Variants in KMO observed in about 807,000 individuals in gnomAD.
KMO encodes the protein kynurenine 3-hydroxylase.
In KMO, 24 loss-of-function variants were observed where a neutral mutation model predicts 57.8. The ratio of observed to expected loss-of-function variants is 0.42; its 90% confidence interval spans 0.30 to 0.58. The LOEUF (loss-of-function observed/expected upper bound fraction) is 0.58. Among genes scored for constraint, KMO ranks in the 20% least tolerant of loss-of-function variants. KMO has a pLI of 0.22. For synonymous variants in KMO, 210 were observed against 193.6 expected, an observed-to-expected ratio of 1.08 and a Z score of -0.70; for missense variants, 483 against 588.2, an observed-to-expected ratio of 0.82 and a Z score of 1.85.
chr1:241,579,434 G>T (rs1168545689), intron 10 of KMO, among the ~76,000 whole-genome samples: 1 of 152,078 alleles, frequency 6.6e-6, no homozygotes, highest in Non-Finnish European at 1.5e-5. Flanking sequence ...CCCTGTGGGG[G>T]CCAGGAGACA....
At chr1:241,557,248 G>A (rs887503654) in intron 5 of KMO, among the ~76,000 whole-genome samples, 15 of 152,138 alleles carry the variant, frequency 9.9e-5, no homozygotes, top group Non-Finnish European at 1.9e-4. Flanking sequence ...CACACACCAT[G>A]TATCCCTTAC....
intron 10 of KMO, among the ~76,000 whole-genome samples, chr1:241,584,294 AT>A (rs1662878107): frequency 6.6e-6 from 1 of 152,218 alleles, no homozygotes; most frequent in Admixed American, 6.5e-5. Flanking sequence ...CAAAACCACA[AT>A]GAGATACCAT....
At chr1:241,537,446 A>C (rs1005180051) in intron 1 of KMO, among the ~76,000 whole-genome samples, 6 of 152,158 alleles carry the variant, frequency 3.9e-5, no homozygotes, top group African/African-American at 1.4e-4. Flanking sequence ...AAAAAGACAT[A>C]ATTACTGTTA....
In KMO at chr1:241,592,763, T is replaced by TATCTATCTATC. The variant is rs1663358933; in HGVS notation, c.*611_*621dup. 1 of 146,846 alleles carries TATCTATCTATC rather than the reference T, an allele frequency of 6.8e-6. No homozygotes were observed. The highest frequency in any genetic ancestry group is 2.5e-5 in the African/African-American group (1 of 40,618). The allele number at this position is 146,846 out of a possible 1,614,324, so 9.1% of individuals were successfully genotyped here. A position where few individuals can be genotyped will look rare whatever the true frequency, so the allele number is the denominator to read the frequency against. On this transcript the variant is annotated 3_prime_UTR_variant, in exon 15 of 15. Coordinates refer to ENST00000366559, the MANE Select transcript of KMO (RefSeq NM_003679.5). ...TCTATCTATCTATCTATCATCTATC[T>TATCTATCTATC]ATCTATCTATCTATCTATCTATCTA...
chr1:241,541,485 G>A (rs1660957091), intron 1 of KMO, among the ~76,000 whole-genome samples: 1 of 152,172 alleles, frequency 6.6e-6, no homozygotes, highest in Non-Finnish European at 1.5e-5. Flanking sequence ...CTATAGACAG[G>A]TTCAGTAGTC....
intron 11 of KMO, among the ~76,000 whole-genome samples, 163 bp from the exon 12 acceptor site, chr1:241,588,585 G>A (rs939071362): frequency 7.4e-5 from 11 of 148,508 alleles, no homozygotes; most frequent in African/African-American, 2.7e-4. Flanking sequence ...AATGCTCTGT[G>A]TATTGTCAAT....
intron 3 of KMO, chr1:241,549,979 G>A (rs570146086): frequency 2.8e-5 from 14 of 507,816 alleles, no homozygotes; most frequent in South Asian, 1.8e-4. Context: ...CCCTGCAACC[G>A]GATGATTGCT....
intron 1 of KMO, among the ~76,000 whole-genome samples, chr1:241,544,199 T>C (rs1661053611): frequency 6.6e-6 from 1 of 152,216 alleles, no homozygotes; most frequent in South Asian, 2.1e-4. Flanking sequence ...GTTGTTTAGA[T>C]TGTGGCTTTA....
chr1:241,559,884 A>T (rs1661774789), intron 5 of KMO, among the ~76,000 whole-genome samples: 1 of 152,114 alleles, frequency 6.6e-6, no homozygotes, highest in Non-Finnish European at 1.5e-5. Context: ...CTTTTTTAAG[A>T]TGAAGGATTT....
intron 4 of KMO, 71 bp from the exon 5 acceptor site, chr1:241,555,541 G>A: frequency 9.8e-6 from 8 of 812,340 alleles, no homozygotes; most frequent in Non-Finnish European, 1.7e-5. Flanking sequence ...TTTTATTGCT[G>A]AGTGAATAAC....
rs1663324924 is a variant in KMO, at chr1:241,592,061, T to C, written c.1369T>C (p.Trp457Arg). The C allele has an allele frequency of 6.2e-7, 1 of 1,613,996 alleles. No homozygotes were observed. Among genetic ancestry groups the C allele is most frequent in the East Asian group, 2.2e-5 (1 of 44,852 alleles). The change falls in exon 15 of 15, where the codon TGG becomes CGG. Residue 457 changes from tryptophan to arginine, a missense_variant. Physicochemically the swap from Trp to Arg is moderately radical, Grantham distance 101. Around this residue, in one of 3 missense-constraint regions of KMO, gnomAD observed 410 missense variants for 492.3 expected, o/e 0.83. Coordinates refer to ENST00000366559, the MANE Select transcript of KMO (RefSeq NM_003679.5). ...PRSFLRLRRP[W>R]NWIAHFRNTT... Reference sequence around the variant, plus strand: ...ATCTTTCCTCCGCTTGAGAAGACCATGGAACTGGATAGCTCACTTCCGGAA... The same window carrying C: ...ATCTTTCCTCCGCTTGAGAAGACCACGGAACTGGATAGCTCACTTCCGGAA...
At chr1:241,583,149 G>GT (rs1662823418) in intron 10 of KMO, among the ~76,000 whole-genome samples, 1 of 152,184 alleles carries the variant, frequency 6.6e-6, no homozygotes, top group Non-Finnish European at 1.5e-5. Context: ...ACCACAAGGA[G>GT]TTTTTCTCCC....
At chr1:241,572,022 A>G (rs1264307360) in intron 10 of KMO, among the ~76,000 whole-genome samples, 1 of 151,726 alleles carries the variant, frequency 6.6e-6, no homozygotes, top group East Asian at 1.9e-4. Flanking sequence ...ACGTGCCACT[A>G]TGCCCAGCTT....
Position 241,566,608 on chromosome 1 carries a change from G to A in KMO, c.805G>A (p.Gly269Arg). 1 of 1,613,584 alleles carries A rather than the reference G, an allele frequency of 6.2e-7. No homozygotes were observed. Among genetic ancestry groups the A allele is most frequent in the Non-Finnish European group, 8.5e-7 (1 of 1,179,716 alleles). The change falls in exon 9 of 15, where the codon GGA (glycine) becomes AGA (arginine). Residue 269 changes from glycine (G) to arginine (R), a missense_variant. Coordinates refer to ENST00000366559, the MANE Select transcript of KMO (RefSeq NM_003679.5). ...KYFPDAIPLI[G>R]EKLLVQDFFL... ...CTTTCCGGATGCCATCCCTCTAATT[G>A]GAGAGTAAGTTGCAAGATGTGCCTT... is the stretch of plus-strand genomic sequence containing the variant.
At chr1:241,563,913 T>A (rs1294705265) in intron 7 of KMO, among the ~76,000 whole-genome samples, 1 of 152,186 alleles carries the variant, frequency 6.6e-6, no homozygotes, top group Non-Finnish European at 1.5e-5. Flanking sequence ...TGGTTGGAGT[T>A]GGGGGCAAGA....
chr1:241,591,425 CAAA>C (rs35070185), intron 14 of KMO, among the ~76,000 whole-genome samples: 1 of 140,140 alleles, frequency 7.1e-6, no homozygotes, highest in African/African-American at 2.6e-5. Context: ...ATTTCTCTGT[CAAA>C]AAAAAAAAAA....
rs112754809 is a variant in KMO at position 241,569,103 on chromosome 1, A to C, written c.957+456A>C. Among the ~76,000 whole-genome samples, 592 of 152,264 alleles carry C rather than the reference A, an allele frequency of 3.9e-3. 8 individuals are homozygous for C. The highest frequency in any genetic ancestry group is 0.013 in the African/African-American group (535 of 41,554). On this transcript the variant is annotated intron_variant, in intron 10 of 14. Coordinates refer to ENST00000366559, the MANE Select transcript of KMO (RefSeq NM_003679.5). ...ATATTTTGATTCAGGAATACAATGT[A>C]TATGACCATATCAGGGTAATTAGGG... is the stretch of plus-strand genomic sequence containing the variant.
rs1033611188 is a variant in KMO, at chr1:241,588,833, G to C, written c.1098+3G>C. Reference sequence around the variant, plus strand: ...TATCCATGTACAATTACATAGAGGTGAGTGAGAAGGTTTGGCTTTATTCCA... The same window carrying C: ...TATCCATGTACAATTACATAGAGGTCAGTGAGAAGGTTTGGCTTTATTCCA... On this transcript the variant is annotated splice_donor_region_variant and intron_variant, in intron 12 of 14. Coordinates refer to ENST00000366559, the MANE Select transcript of KMO (RefSeq NM_003679.5). 34 of 1,605,650 alleles carry C rather than the reference G, an allele frequency of 2.1e-5. No individual in the cohort carries two copies. Among genetic ancestry groups the C allele is most frequent in the Non-Finnish European group, 2.8e-5 (33 of 1,172,948 alleles).
intron 4 of KMO, among the ~76,000 whole-genome samples, chr1:241,554,483 A>C (rs892223571): frequency 6.6e-6 from 1 of 151,590 alleles, no homozygotes; most frequent in Non-Finnish European, 1.5e-5. Flanking sequence ...CATGTTGGCC[A>C]GGCTGGTCTT....
Sources: allele counts gnomAD v4.1 joint callset (sites outside exome capture counted in the v4.1 genomes callset), GRCh38; gene constraint gnomAD v4.1.1; regional missense constraint gnomAD v4.1.1; transcripts MANE v1.5; gene names NCBI Gene and HGNC (gene_info 2026-07-23, HGNC 2026-07-21).